Variants in ZBED6 observed in about 807,000 individuals in gnomAD.
The protein encoded by ZBED6 is zinc finger BED domain-containing protein 6.
ZBED6 carries 40 observed loss-of-function variants against 58.4 expected under a neutral mutation model. The observed-to-expected ratio is 0.68, with a 90% CI of 0.53 to 0.89. The LOEUF (loss-of-function observed/expected upper bound fraction) is 0.89, where lower values mean the gene tolerates loss of function less well. Among genes scored for constraint, ZBED6 ranks in the 40% least tolerant of loss-of-function variants. The pLI is 0.00. For missense variants in ZBED6, 1,057 were observed against 1,003.9 expected (o/e 1.05, Z -0.71); for synonymous variants, 439 against 350.6 (o/e 1.25, Z -2.82).
rs762203651 is a variant in ZBED6, at chr1:203,818,796, G to A, written c.*2873+107G>A. The A allele has an allele frequency of 4.7e-5, 71 of 1,525,946 alleles. No homozygotes were observed. The South Asian group carries it at 6.2e-4, about 13-fold the overall frequency. The allele number at this position is 1,525,946 out of a possible 1,614,324, so 94.5% of individuals were successfully genotyped here. On this transcript the variant is annotated intron_variant, in intron 3 of 16. Coordinates refer to ENST00000550078, the Ensembl canonical transcript of ZBED6. ...TTTAAAAAATATATTAAGGCTGAGT[G>A]CAGTGGCTCATGCCTGTAGTTCCAG...
intron 8 of ZBED6, among the ~76,000 whole-genome samples, chr1:203,832,176 G>A (rs1014982421): frequency 1.3e-5 from 2 of 151,886 alleles, no homozygotes; most frequent in Non-Finnish European, 2.9e-5. Context: ...TTCGTGTCTC[G>A]GCCTCCCAAG....
intron 1 of ZBED6, among the ~76,000 whole-genome samples, chr1:203,806,462 C>T (rs912758257): frequency 3.3e-4 from 50 of 152,144 alleles, no homozygotes; most frequent in Admixed American, 4.6e-4. Context: ...CCATCATGCC[C>T]GGCTAATTTT....
intron 11 of ZBED6, among the ~76,000 whole-genome samples, chr1:203,841,760 G>A (rs1572296932): frequency 6.6e-6 from 1 of 151,570 alleles, no homozygotes; most frequent in Non-Finnish European, 1.5e-5. Flanking sequence ...CCTCCCAGAC[G>A]GGGCAGTGGC....
exon 12 of ZBED6, chr1:203,847,524 T>C: frequency 6.2e-7 from 1 of 1,613,826 alleles, no homozygotes; most frequent in Non-Finnish European, 8.5e-7. Context: ...AGCCTGCAGG[T>C]AAAACAAAGT....
Position 203,852,267 on chromosome 1 carries a change from C to A in ZBED6, c.*5000C>A, listed in dbSNP as rs756007804. On this transcript the variant is annotated 3_prime_UTR_variant, in exon 17 of 17. Transcript: ENST00000550078. ...CTGCCTCAACAGGAAAGCCCCCACT[C>A]TCTGTGGAGGATGATTTTGAGAAAC... The A allele has an allele frequency of 3.1e-6, 5 of 1,613,698 alleles. No individual in the cohort carries two copies. The South Asian group carries it at 4.4e-5, about 14-fold the overall frequency.
chr1:203,800,630 T>C (rs1312269201), exon 1 of ZBED6: 9 of 594,902 alleles, frequency 1.5e-5, no homozygotes, highest in East Asian at 3.2e-5. Flanking sequence ...AAAATGAAGA[T>C]TAAAGATTTC....
At chr1:203,851,177 G>A in intron 16 of ZBED6, 53 bp downstream of exon 16, 1 of 1,541,102 alleles carries the variant, frequency 6.5e-7, no homozygotes, top group Non-Finnish European at 8.9e-7. Flanking sequence ...TTACTGTTTA[G>A]GCTCTCTAGA....
At chr1:203,802,714 C>CTTTT (rs150416242) in exon 1 of ZBED6, 1 of 131,652 alleles carries the variant, frequency 7.6e-6, no homozygotes, top group Non-Finnish European at 1.6e-5. Context: ...TAAATGAACT[C>CTTTT]TTTTTTTTTG....
chr1:203,838,602 T>G (rs573117337), intron 10 of ZBED6, among the ~76,000 whole-genome samples: 4 of 152,312 alleles, frequency 2.6e-5, no homozygotes, highest in African/African-American at 9.6e-5. Context: ...TAATATAGTC[T>G]TTAAGCCATG....
At chr1:203,848,506 T>C in intron 13 of ZBED6, 99 bp downstream of exon 13, 1 of 827,674 alleles carries the variant, frequency 1.2e-6, no homozygotes, top group South Asian at 1.7e-5. Flanking sequence ...TTCATTCATA[T>C]ATTAGGTAAA....
rs145911590 is a variant in ZBED6, at chr1:203,799,197, A to G, written c.1675A>G (p.Ser559Gly). Reference sequence around the variant, plus strand: ...GCTTTCTCCAAATTTCCTTATCCCTAGCTTCATTGTTTCTGACAATTCCTC... The same window carrying G: ...GCTTTCTCCAAATTTCCTTATCCCTGGCTTCATTGTTTCTGACAATTCCTC... Residue 559 changes from serine (S) to glycine (G), a missense_variant, in exon 1 of 17, where the codon AGC (serine) becomes GGC (glycine). By Grantham distance (56) the Ser-to-Gly change is moderately conservative (BLOSUM62 0). Coordinates refer to ENST00000550078, the Ensembl canonical transcript of ZBED6. 1.9e-5 allele frequency: 22 copies of G among 1,149,198 alleles called. No homozygotes were observed. In the Middle Eastern group the frequency reaches 1.1e-3, roughly 60 times the overall value. The allele number at this position is 1,149,198 out of a possible 1,614,324, so 71.2% of individuals were successfully genotyped here. A position where few individuals can be genotyped will look rare whatever the true frequency, so the allele number is the denominator to read the frequency against.
chr1:203,827,183 A>G (rs935113023), intron 3 of ZBED6, among the ~76,000 whole-genome samples: 3 of 152,120 alleles, frequency 2.0e-5, no homozygotes, highest in Non-Finnish European at 4.4e-5. Context: ...TTCTTTATCC[A>G]TTCTAGTATT....
chr1:203,806,193 C>T, intron 1 of ZBED6: 2 of 456,972 alleles, frequency 4.4e-6, no homozygotes, highest in Non-Finnish European at 8.6e-6. Context: ...CCCTGCTGTC[C>T]ACCATGCCAA....
exon 13 of ZBED6, chr1:203,848,396 G>A (rs780090288): frequency 6.2e-7 from 1 of 1,605,796 alleles, no homozygotes; most frequent in African/African-American, 1.3e-5. Context: ...TATTAGAACA[G>A]AAGCTAAAGA....
intron 10 of ZBED6, among the ~76,000 whole-genome samples, chr1:203,839,029 A>G (rs1326522650): frequency 1.3e-5 from 2 of 151,944 alleles, no homozygotes; most frequent in African/African-American, 4.8e-5. Context: ...GCATTTTAAA[A>G]CCATTACCTT....
chr1:203,811,425 C>A (rs1177496398), intron 1 of ZBED6, among the ~76,000 whole-genome samples: 2 of 152,194 alleles, frequency 1.3e-5, no homozygotes, highest in African/African-American at 4.8e-5. Flanking sequence ...GCTGGTCTTT[C>A]TAAAACCGGT....
chr1:203,809,326 C>T (rs181852789), intron 1 of ZBED6, among the ~76,000 whole-genome samples: 2 of 152,078 alleles, frequency 1.3e-5, no homozygotes, highest in Admixed American at 1.3e-4. Flanking sequence ...CAGGCGCACA[C>T]TACCGTGCCC....
intron 1 of ZBED6, among the ~76,000 whole-genome samples, chr1:203,814,209 G>A (rs1675470063): frequency 6.6e-6 from 1 of 152,068 alleles, no homozygotes; most frequent in African/African-American, 2.4e-5. Context: ...CCAATTCTAA[G>A]TTCTCTGCCA....
At chr1:203,815,419 A>G (rs1676053053) in intron 1 of ZBED6, among the ~76,000 whole-genome samples, 1 of 127,754 alleles carries the variant, frequency 7.8e-6, no homozygotes, top group South Asian at 2.4e-4. Context: ...GGGTTTTGCC[A>G]TGTTGTCCAG....
Sources: allele counts gnomAD v4.1 joint callset (sites outside exome capture counted in the v4.1 genomes callset), GRCh38; gene constraint gnomAD v4.1.1; transcripts MANE v1.5; gene names NCBI Gene and HGNC (gene_info 2026-07-23, HGNC 2026-07-21).